CNTN4: variants seen among roughly 807,000 people sequenced by gnomAD.
The protein encoded by CNTN4 is contactin 4.
CNTN4 carries 77 observed loss-of-function variants against 122.5 expected under a neutral mutation model. That is an observed-to-expected ratio of 0.63 (90% CI 0.52 to 0.76). CNTN4 has a LOEUF of 0.76. Ranked by LOEUF, CNTN4 falls within the 30% of genes least tolerant of loss-of-function variation. The pLI is 0.00. For synonymous variants in CNTN4, 512 were observed against 447.0 expected (o/e 1.15, Z -1.83); for missense variants, 1,256 against 1,259.1 (o/e 1.00, Z 0.04).
At chr3:2,134,828 TCC>T (rs1399317659) in intron 2 of CNTN4, among the ~76,000 whole-genome samples, 18 of 152,172 alleles carry the variant, frequency 1.2e-4, no homozygotes, top group Non-Finnish European at 2.5e-4. Context: ...CAGCTTTTTG[TCC>T]TCTTTTGATC....
intron 2 of CNTN4, among the ~76,000 whole-genome samples, chr3:2,116,604 A>G (rs1340775648): frequency 6.6e-6 from 1 of 152,198 alleles, no homozygotes. Flanking sequence ...TTCTAGGTAG[A>G]TATAAATAGG....
In CNTN4 at chr3:2,194,106, T is replaced by C. The variant is rs115573249; in HGVS notation, c.-145+93467T>C. ...GAGGAAATACTGAAATATCTAGATA[T>C]AAGGTTCATCATCATGTTGTCTGTC... On this transcript the variant is annotated intron_variant, in intron 2 of 24. Transcript: ENST00000418658. Among the ~76,000 whole-genome samples the C allele has an allele frequency of 1.1e-4, 16 of 152,220 alleles. No individual in the cohort carries two copies. In the East Asian group the frequency reaches 2.3e-3, roughly 22 times the overall value.
chr3:2,186,539 TCCCACCAGCAG>T (rs1267953693), intron 2 of CNTN4, among the ~76,000 whole-genome samples: 1 of 152,220 alleles, frequency 6.6e-6, no homozygotes, highest in East Asian at 1.9e-4. Context: ...TAGTTTACAG[TCCCACCAGCAG>T]TGTAAAAGTG....
chr3:2,374,098 G>T (rs908252808), intron 3 of CNTN4, among the ~76,000 whole-genome samples: 5 of 152,140 alleles, frequency 3.3e-5, no homozygotes, highest in African/African-American at 1.2e-4. Flanking sequence ...AAAGAAGATG[G>T]TTCTTTTGTA....
intron 12 of CNTN4, among the ~76,000 whole-genome samples, chr3:2,925,417 G>A (rs952242843): frequency 6.6e-6 from 1 of 152,098 alleles, no homozygotes; most frequent in African/African-American, 2.4e-5. Flanking sequence ...CCTGGGCGTG[G>A]TCATGCGTGC....
In CNTN4 at chr3:2,576,186, T is replaced by C. The variant is rs191824734; in HGVS notation, c.55+4628T>C. The stretch of plus-strand genomic sequence containing the variant: ...TTTCCCTACTAGACTGTAAGGTTTA[T>C]TTGGGTAGATATTTCTGTCCTTTTA... On this transcript the variant is annotated intron_variant, in intron 4 of 24. Transcript: ENST00000418658. Among the ~76,000 whole-genome samples, 201 of 152,304 alleles carry C rather than the reference T, an allele frequency of 1.3e-3. 1 individual carries two copies. Among genetic ancestry groups the C allele is most frequent in the Non-Finnish European group, 2.1e-4 (14 of 68,016 alleles).
intron 2 of CNTN4, among the ~76,000 whole-genome samples, chr3:2,121,398 C>G (rs149296348): frequency 6.6e-6 from 1 of 150,976 alleles, no homozygotes; most frequent in African/African-American, 2.4e-5. Context: ...CTCAGGAGGC[C>G]GAGGCAGGAG....
At chr3:2,305,874 A>G (rs1174730678) in intron 2 of CNTN4, among the ~76,000 whole-genome samples, 22 of 152,316 alleles carry the variant, frequency 1.4e-4, no homozygotes, top group Admixed American at 1.4e-3. Context: ...TAACACAAAT[A>G]GAGTAACATT....
At chr3:2,970,660 G>T (rs927868320) in intron 13 of CNTN4, among the ~76,000 whole-genome samples, 16 of 151,978 alleles carry the variant, frequency 1.1e-4, no homozygotes, top group African/African-American at 3.9e-4. Context: ...TGCCCAGGCT[G>T]GTCTCAAACA....
chr3:3,026,312 C>G (rs764084094), intron 15 of CNTN4, 35 bp downstream of exon 15: 3 of 1,543,316 alleles, frequency 1.9e-6, no homozygotes, highest in Non-Finnish European at 2.7e-6. Context: ...CTCAAACTAA[C>G]TTGTTTAGAC....
intron 3 of CNTN4, among the ~76,000 whole-genome samples, chr3:2,458,335 A>G (rs930503934): frequency 6.6e-6 from 1 of 152,130 alleles, no homozygotes; most frequent in African/African-American, 2.4e-5. Context: ...ACGATGTTTT[A>G]TCTAACCCTG....
chr3:2,226,136 T>G (rs12495079), intron 2 of CNTN4, among the ~76,000 whole-genome samples: 47,262 of 151,998 alleles, frequency 0.31, 7,644 homozygotes, highest in African/African-American at 0.39. Flanking sequence ...CGTTTTGCTT[T>G]TTTTTTACAT....
At chr3:2,490,693 T>A (rs1213244531) in intron 3 of CNTN4, among the ~76,000 whole-genome samples, 3 of 152,198 alleles carry the variant, frequency 2.0e-5, no homozygotes, top group African/African-American at 7.2e-5. Context: ...TTGTCTACTT[T>A]GTATGTATTA....
chr3:2,409,758 CTTTA>C (rs1371726544), intron 3 of CNTN4, among the ~76,000 whole-genome samples: 4 of 151,838 alleles, frequency 2.6e-5, no homozygotes, highest in African/African-American at 9.7e-5. Flanking sequence ...CACATGTTAT[CTTTA>C]TTTAAAAGAT....
chr3:2,979,152 T>A (rs934458850), intron 13 of CNTN4, among the ~76,000 whole-genome samples: 1 of 152,142 alleles, frequency 6.6e-6, no homozygotes, highest in African/African-American at 2.4e-5. Context: ...ACTTACCAGG[T>A]GGGAAGGAGT....
chr3:2,363,527 C>G (rs1029991199), intron 3 of CNTN4, among the ~76,000 whole-genome samples: 21 of 152,200 alleles, frequency 1.4e-4, no homozygotes, highest in African/African-American at 5.1e-4. Flanking sequence ...AGCTATATAA[C>G]AACCATGTGA....
chr3:2,453,493 G>A (rs1384338799), intron 3 of CNTN4, among the ~76,000 whole-genome samples: 2 of 152,110 alleles, frequency 1.3e-5, no homozygotes, highest in African/African-American at 2.4e-5. Flanking sequence ...AATGAGTGAA[G>A]GAGTAAGGCA....
intron 2 of CNTN4, among the ~76,000 whole-genome samples, chr3:2,305,679 C>G (rs1356266998): frequency 6.6e-6 from 1 of 152,002 alleles, no homozygotes; most frequent in African/African-American, 2.4e-5. Flanking sequence ...TTAAAGTACG[C>G]AAGTCAGTGG....
intron 3 of CNTN4, among the ~76,000 whole-genome samples, chr3:2,485,192 C>CT (rs1286007468): frequency 6.6e-6 from 1 of 152,254 alleles, no homozygotes; most frequent in Non-Finnish European, 1.5e-5. Flanking sequence ...GCCTCTCCCC[C>CT]TGTGGCTGTG....
Sources: allele counts gnomAD v4.1 joint callset (sites outside exome capture counted in the v4.1 genomes callset), GRCh38; gene constraint gnomAD v4.1.1; transcripts MANE v1.5; gene names NCBI Gene and HGNC (gene_info 2026-07-23, HGNC 2026-07-21).